The following TTLL7 variants were observed in gnomAD, a reference collection of about 807,000 sequenced individuals.
The protein encoded by TTLL7 is tubulin tyrosine ligase like 7, also known as tubulin polyglutamylase TTLL7.
In TTLL7, 53 loss-of-function variants were observed where a neutral mutation model predicts 120.2. That is an observed-to-expected ratio of 0.44 (90% CI 0.35 to 0.55). The LOEUF is 0.55. Ranked by LOEUF, TTLL7 falls within the 20% of genes least tolerant of loss-of-function variation. The pLI is 0.00. For missense variants in TTLL7, 803 were observed against 1,054.7 expected, an observed-to-expected ratio of 0.76 and a Z score of 3.31; for synonymous variants, 353 against 351.7, an observed-to-expected ratio of 1.00 and a Z score of -0.04.
At chr1:83,886,168 C>G (rs1469616016) in intron 19 of TTLL7, among the ~76,000 whole-genome samples, 2 of 152,064 alleles carry the variant, frequency 1.3e-5, no homozygotes, top group Admixed American at 6.6e-5. Context: ...TTTTCACCCA[C>G]TTTCTCATCA....
chr1:83,913,064 C>T (rs926387658), intron 14 of TTLL7: 2 of 152,076 alleles, frequency 1.3e-5, no homozygotes, highest in East Asian at 1.9e-4. Flanking sequence ...CAAGGGGAAA[C>T]GTACAGCTGA....
rs1397831251 is a variant in TTLL7 at position 83,870,078 on chromosome 1, A to G, written c.2548T>C (p.Leu850=). 1.3e-6 allele frequency: 2 copies of G among 1,545,162 alleles called. No homozygotes were observed. Among genetic ancestry groups the G allele is most frequent in the Non-Finnish European group, 1.7e-6 (2 of 1,155,138 alleles). The change falls in exon 21 of 21, where the codon TTA becomes CTA. Residue 850 remains leucine (L), a synonymous_variant. Coordinates refer to ENST00000260505, the MANE Select transcript of TTLL7 (RefSeq NM_024686.6). ...AAGAATTGGGTGCTCCCTGGTAGTA[A>G]ATACCTAAAAATGATGGTTAACAAA... The part of the protein sequence containing the change: ...IGPDWGNSRY[L]LPGSTQFFLR...
intron 15 of TTLL7, among the ~76,000 whole-genome samples, chr1:83,908,507 G>A (rs1156682746): frequency 6.6e-6 from 1 of 151,920 alleles, no homozygotes; most frequent in Non-Finnish European, 1.5e-5. Flanking sequence ...AAAAATGTAT[G>A]GATCTATAGG....
At chr1:83,939,960 C>A (rs1390878772) in intron 7 of TTLL7, among the ~76,000 whole-genome samples, 1 of 152,124 alleles carries the variant, frequency 6.6e-6, no homozygotes, top group African/African-American at 2.4e-5. Flanking sequence ...TCTCACTTTA[C>A]AGACACTTCT....
At chr1:83,922,499 C>A (rs892503786) in intron 10 of TTLL7, among the ~76,000 whole-genome samples, 1 of 152,134 alleles carries the variant, frequency 6.6e-6, no homozygotes, top group Admixed American at 6.6e-5. Context: ...CTTGACCTTG[C>A]AGGAATGTTA....
rs1258636987 is a variant in TTLL7 at position 83,993,620 on chromosome 1, T to A, written c.-177+5311A>T. On this transcript the variant is annotated intron_variant, in intron 1 of 20. Transcript: ENST00000260505. The stretch of plus-strand genomic sequence containing the variant: ...TTCAATATGCCCAGTGGACCAACAA[T>A]CTCACCAATTTCAAAAGAAAGGATC... Among the ~76,000 whole-genome samples, 5 of 152,120 alleles carry A rather than the reference T, an allele frequency of 3.3e-5. No homozygotes were observed. The East Asian group carries it at 9.6e-4, about 29-fold the overall frequency.
At chr1:83,893,206 G>A (rs1655929142) in intron 18 of TTLL7, among the ~76,000 whole-genome samples, 1 of 151,850 alleles carries the variant, frequency 6.6e-6, no homozygotes, top group Non-Finnish European at 1.5e-5. Context: ...AGCAGGCCAT[G>A]CACAAACCAA....
At chr1:83,882,544 G>C (rs935006034) in intron 20 of TTLL7, 1 of 152,426 alleles carries the variant, frequency 6.6e-6, no homozygotes, top group Non-Finnish European at 1.5e-5. Flanking sequence ...ATTTGGTAAT[G>C]AAAGGAATAG....
At chr1:83,950,977 G>A (rs1390314583) in intron 3 of TTLL7, among the ~76,000 whole-genome samples, 1 of 152,140 alleles carries the variant, frequency 6.6e-6, no homozygotes, top group Non-Finnish European at 1.5e-5. Context: ...CTGAGTATAT[G>A]AGAGACACTG....
Position 83,937,435 on chromosome 1 carries a change from T to C in TTLL7, c.888+417A>G, listed in dbSNP as rs574032157. Among the ~76,000 whole-genome samples, 14 of 152,254 alleles carry C rather than the reference T, an allele frequency of 9.2e-5. No individual in the cohort carries two copies. In the East Asian group the frequency reaches 2.3e-3, roughly 25 times the overall value. ...CCAGGCTGGTCTCGAACTCCTGACC[T>C]CAAGTGATCCACCTGCCTCAGCCTC... On this transcript the variant is annotated intron_variant, in intron 8 of 20. Transcript: ENST00000260505.
chr1:83,984,781 G>A (rs914163073), intron 1 of TTLL7, among the ~76,000 whole-genome samples: 1 of 152,078 alleles, frequency 6.6e-6, no homozygotes, highest in African/African-American at 2.4e-5. Context: ...AGAGAGGGGA[G>A]AGAGGGAGGG....
chr1:83,900,278 C>A (rs558258599), intron 18 of TTLL7: 2 of 284,224 alleles, frequency 7.0e-6, no homozygotes, highest in South Asian at 3.1e-5. Context: ...ATCAACTTAA[C>A]AAAAATTGAT....
chr1:83,949,317 T>G (rs1314664282), intron 4 of TTLL7: 2 of 150,956 alleles, frequency 1.3e-5, no homozygotes, highest in Non-Finnish European at 2.9e-5. Context: ...TTTGTTTTGT[T>G]TTTTTTTTTG....
At chr1:83,989,633 G>A (rs1056612848) in intron 1 of TTLL7, among the ~76,000 whole-genome samples, 1 of 152,136 alleles carries the variant, frequency 6.6e-6, no homozygotes, top group Non-Finnish European at 1.5e-5. Context: ...GATTGCTTTA[G>A]CTATGCAGGG....
intron 1 of TTLL7, among the ~76,000 whole-genome samples, chr1:83,959,227 A>G (rs1374053818): frequency 6.6e-6 from 1 of 152,162 alleles, no homozygotes; most frequent in African/African-American, 2.4e-5. Flanking sequence ...GAGGCCCATC[A>G]ATTAACAAGT....
chr1:83,988,708 T>A (rs1006424288), intron 1 of TTLL7, among the ~76,000 whole-genome samples: 1 of 152,142 alleles, frequency 6.6e-6, no homozygotes, highest in Non-Finnish European at 1.5e-5. Context: ...GTTCGTGTCT[T>A]TGGCCACCTT....
chr1:83,900,130 C>G (rs1186167964), intron 18 of TTLL7: 1 of 440,226 alleles, frequency 2.3e-6, no homozygotes, highest in Non-Finnish European at 4.5e-6. Flanking sequence ...GGCCTTCTCA[C>G]ATCACATGTA....
At chr1:83,979,950 A>G (rs554283451) in intron 1 of TTLL7, 2 of 152,364 alleles carry the variant, frequency 1.3e-5, no homozygotes, top group Admixed American at 6.5e-5. Context: ...AATACGCATC[A>G]TGTTCTTCTG....
chr1:83,967,865 A>G (rs945314385), intron 1 of TTLL7, among the ~76,000 whole-genome samples: 4 of 152,012 alleles, frequency 2.6e-5, no homozygotes, highest in Admixed American at 2.6e-4. Context: ...AAACAAAGAT[A>G]AAACAGCAAA....
Sources: allele counts gnomAD v4.1 joint callset (sites outside exome capture counted in the v4.1 genomes callset), GRCh38; gene constraint gnomAD v4.1.1; transcripts MANE v1.5; gene names NCBI Gene and HGNC (gene_info 2026-07-23, HGNC 2026-07-21).